Variants in PLCG2 observed in about 807,000 individuals in gnomAD.
PLCG2 encodes the protein phospholipase C gamma 2.
In PLCG2, 69 loss-of-function variants were observed where a neutral mutation model predicts 175.6. That is an observed-to-expected ratio of 0.39 (90% CI 0.32 to 0.48). The LOEUF (loss-of-function observed/expected upper bound fraction) is 0.48, where lower values mean the gene tolerates loss of function less well. PLCG2 is among the 20% of genes least tolerant of loss of function. The pLI is 0.91. For missense variants in PLCG2, 1,798 were observed against 1,650.9 expected, an observed-to-expected ratio of 1.09 and a Z score of -1.54; for synonymous variants, 827 against 624.0, an observed-to-expected ratio of 1.33 and a Z score of -4.85.
intron 2 of PLCG2, among the ~76,000 whole-genome samples, chr16:81,829,929 A>C (rs753947648): frequency 1.4e-5 from 2 of 139,188 alleles, no homozygotes; most frequent in Non-Finnish European, 3.1e-5. Flanking sequence ...GGCTTATTCT[A>C]CCTCTCGGTG....
intron 13 of PLCG2, among the ~76,000 whole-genome samples, chr16:81,899,985 A>T (rs757772688): frequency 1.3e-5 from 2 of 152,218 alleles, no homozygotes; most frequent in African/African-American, 2.4e-5. Context: ...TGGTGACTTT[A>T]TGAACCATAA....
chr16:81,809,866 AAG>A (rs576089536), intron 2 of PLCG2, among the ~76,000 whole-genome samples: 40 of 151,644 alleles, frequency 2.6e-4, no homozygotes, highest in African/African-American at 9.7e-4. Context: ...CAAGCAAAAA[AAG>A]AGAATTTACT....
intron 2 of PLCG2, among the ~76,000 whole-genome samples, chr16:81,758,770 C>G (rs1472298966): frequency 6.6e-6 from 1 of 151,890 alleles, no homozygotes; most frequent in Admixed American, 6.6e-5. Context: ...CTTTGCCTCC[C>G]AGGTTCAAGC....
chr16:81,799,539 C>T (rs534129784), intron 2 of PLCG2, among the ~76,000 whole-genome samples: 164 of 152,014 alleles, frequency 1.1e-3, no homozygotes, highest in Non-Finnish European at 4.6e-4. Context: ...ATCCTCCCAT[C>T]TTGGCCTCCC....
chr16:81,744,960 G>A (rs999377008), intron 1 of PLCG2, among the ~76,000 whole-genome samples: 1 of 152,190 alleles, frequency 6.6e-6, no homozygotes, highest in African/African-American at 2.4e-5. Flanking sequence ...AGAAGGGTTG[G>A]TTTTTCTGGA....
At chr16:81,890,777 C>T (rs183333698) in intron 10 of PLCG2, among the ~76,000 whole-genome samples, 1 of 152,170 alleles carries the variant, frequency 6.6e-6, no homozygotes. Flanking sequence ...CTTGAAATTT[C>T]CTGCCCTTTC....
Position 81,956,889 on chromosome 16 carries a change from C to G in PLCG2, c.3755+10C>G, listed in dbSNP as rs772662966. On this transcript the variant is annotated intron_variant, in intron 32 of 32. Transcript: ENST00000564138. ...AGAAATGCAACAAGAGGTAGGTCAGCCCCTCCACCTGCAAAAACTTTTGGG... is the reference window on the plus strand; with the variant it reads ...AGAAATGCAACAAGAGGTAGGTCAGGCCCTCCACCTGCAAAAACTTTTGGG... 3.7e-6 allele frequency: 6 copies of G among 1,608,852 alleles called. No homozygotes were observed. In the South Asian group the frequency reaches 4.4e-5, roughly 12 times the overall value.
intron 23 of PLCG2, 81 bp from the exon 24 acceptor site, chr16:81,928,477 T>A: frequency 2.3e-6 from 2 of 882,970 alleles, no homozygotes; most frequent in Non-Finnish European, 3.9e-6. Context: ...GTATCTCTGC[T>A]AAACGGTGTG....
chr16:81,894,599 G>A (rs1318301621), intron 12 of PLCG2, among the ~76,000 whole-genome samples: 1 of 151,794 alleles, frequency 6.6e-6, no homozygotes, highest in Non-Finnish European at 1.5e-5. Context: ...CCAGCTTGTC[G>A]TGGTGTCTCA....
intron 30 of PLCG2, among the ~76,000 whole-genome samples, chr16:81,944,274 TCAAC>T (rs1297267066): frequency 6.7e-6 from 1 of 148,888 alleles, no homozygotes; most frequent in Non-Finnish European, 1.5e-5. Flanking sequence ...ATCTGTGGAC[TCAAC>T]CAACCAAGCT....
intron 1 of PLCG2, among the ~76,000 whole-genome samples, chr16:81,745,918 C>A (rs908605983): frequency 3.3e-5 from 5 of 152,186 alleles, no homozygotes; most frequent in African/African-American, 7.2e-5. Context: ...ATACAGCGAA[C>A]GACCTGACTC....
At chr16:81,925,381 T>G (rs903104894) in intron 22 of PLCG2, among the ~76,000 whole-genome samples, 7 of 152,134 alleles carry the variant, frequency 4.6e-5, no homozygotes, top group Non-Finnish European at 7.4e-5. Context: ...TGCTCAGTCC[T>G]GGACAGATGG....
At chr16:81,934,957 C>G (rs115918588) in intron 26 of PLCG2, among the ~76,000 whole-genome samples, 2 of 152,094 alleles carry the variant, frequency 1.3e-5, no homozygotes, top group Non-Finnish European at 2.9e-5. Context: ...TATCTCCTAT[C>G]GGGTCCCTCC....
Position 81,895,921 on chromosome 16 carries a change from C to T in PLCG2, c.1187C>T (p.Thr396Ile), listed in dbSNP as rs1207370509. 1.9e-6 allele frequency: 3 copies of T among 1,614,044 alleles called. No individual in the cohort carries two copies. The highest frequency in any genetic ancestry group is 1.7e-5 in the Admixed American group (1 of 60,014). The change falls in exon 13 of 33, where the codon ACC (threonine) becomes ATC (isoleucine). Residue 396 changes from threonine (T) to isoleucine (I), a missense_variant. By Grantham distance (89) the Thr-to-Ile change is moderately conservative (BLOSUM62 -1). Coordinates refer to ENST00000564138, the MANE Select transcript of PLCG2 (RefSeq NM_002661.5). ...GCCATCAAAGACCACGCCTTTGTTA[C>T]CTCGAGGTCAGTTGGCTGATTTCTG... ...VQAIKDHAFV[T>I]SSFPVILSIE...
At chr16:81,932,700 C>T (rs1490397623) in intron 25 of PLCG2, among the ~76,000 whole-genome samples, 2 of 152,216 alleles carry the variant, frequency 1.3e-5, no homozygotes, top group African/African-American at 2.4e-5. Flanking sequence ...AGGGAAGTGT[C>T]CTCTTTAGGA....
intron 9 of PLCG2, among the ~76,000 whole-genome samples, chr16:81,886,768 C>T (rs998858568): frequency 6.6e-6 from 1 of 152,182 alleles, no homozygotes; most frequent in Non-Finnish European, 1.5e-5. Flanking sequence ...ACCTGTACCT[C>T]CTGGGGTGGT....
At chr16:81,936,433 C>T in intron 27 of PLCG2, 55 bp downstream of exon 27, 1 of 1,431,178 alleles carries the variant, frequency 7.0e-7, no homozygotes. Context: ...TGCAGTCACT[C>T]CAGGCCGAGT....
rs549851135 is a variant in PLCG2, at chr16:81,803,828, T to C, written c.193+17646T>C. On this transcript the variant is annotated intron_variant, in intron 2 of 32. Transcript: ENST00000564138. ...TCCTGAGTGGCTGGGATTACAGGCG[T>C]GTACCACCACACCTGGCTAAGTTTT... 2.0e-5 allele frequency among the ~76,000 whole-genome samples: 3 copies of C among 152,116 alleles called. No homozygotes were observed. The East Asian group carries it at 5.8e-4, about 29-fold the overall frequency.
At chr16:81,749,747 T>C (rs900053142) in intron 1 of PLCG2, among the ~76,000 whole-genome samples, 11 of 152,240 alleles carry the variant, frequency 7.2e-5, no homozygotes, top group African/African-American at 1.4e-4. Context: ...AAAATTGTTT[T>C]GGTATGTGTC....
Sources: gnomAD v4.1 joint callset for allele counts (sites outside exome capture counted in the v4.1 genomes callset) on GRCh38, gnomAD v4.1.1 for gene constraint, MANE v1.5 for transcripts, NCBI Gene and HGNC (gene_info 2026-07-23, HGNC 2026-07-21) for gene names.